MEI4: variants seen among roughly 807,000 people sequenced by gnomAD.
MEI4 encodes the protein meiotic double-stranded break formation protein 4, also known as meiosis-specific protein MEI4.
In MEI4, 27 loss-of-function variants were observed where a neutral mutation model predicts 31.4. That is an observed-to-expected ratio of 0.86 (90% confidence interval 0.63 to 1.19). The LOEUF is 1.19. Ranked by LOEUF, MEI4 falls within the 50% of genes most tolerant of loss-of-function variation. The pLI is 0.00. For synonymous variants in MEI4, 122 were observed against 145.4 expected (o/e 0.84, Z 1.16); for missense variants, 329 against 398.9 (o/e 0.82, Z 1.49).
intron 2 of MEI4, among the ~76,000 whole-genome samples, chr6:77,705,487 A>C (rs2127658007): frequency 6.6e-6 from 1 of 152,378 alleles, no homozygotes; most frequent in African/African-American, 2.4e-5. Flanking sequence ...ATTCTGAGTC[A>C]CACTGAAAGC....
At chr6:77,900,008 T>C (rs530541479) in intron 4 of MEI4, among the ~76,000 whole-genome samples, 1 of 148,412 alleles carries the variant, frequency 6.7e-6, no homozygotes, top group African/African-American at 2.5e-5. Flanking sequence ...ATACAGGCAA[T>C]GAAAACCAAA....
intron 3 of MEI4, among the ~76,000 whole-genome samples, chr6:77,814,057 C>T (rs908205051): frequency 6.6e-6 from 1 of 152,062 alleles, no homozygotes; most frequent in African/African-American, 2.4e-5. Context: ...TCAGTATACA[C>T]CTCCAATCAA....
At chr6:77,850,945 AAACG>A (rs1295435663) in intron 4 of MEI4, among the ~76,000 whole-genome samples, 7 of 152,116 alleles carry the variant, frequency 4.6e-5, no homozygotes, top group Non-Finnish European at 1.0e-4. Context: ...TACAAGAAAA[AAACG>A]AACAACCCCA....
Position 77,762,872 on chromosome 6 carries a change from G to A in MEI4, c.768+1207G>A, listed in dbSNP as rs536892240. Among the ~76,000 whole-genome samples, 19 of 152,188 alleles carry A rather than the reference G, an allele frequency of 1.2e-4. 1 individual carries two copies. The South Asian group carries it at 3.9e-3, about 32-fold the overall frequency. ...ATTAAATATCAGATTTGCCATAGTT[G>A]TATCTGAGATATAAAATCCATTTCT... On this transcript the variant is annotated intron_variant, in intron 3 of 4. Coordinates refer to ENST00000684080, the MANE Select transcript of MEI4 (RefSeq NM_001322247.2).
intron 3 of MEI4, among the ~76,000 whole-genome samples, chr6:77,799,024 G>A (rs1326585376): frequency 6.6e-6 from 1 of 151,962 alleles, no homozygotes; most frequent in Non-Finnish European, 1.5e-5. Flanking sequence ...GGGATTGCTG[G>A]GTCAAATGGT....
At chr6:77,803,029 A>T (rs1158145298) in intron 3 of MEI4, among the ~76,000 whole-genome samples, 2 of 152,144 alleles carry the variant, frequency 1.3e-5, no homozygotes, top group Non-Finnish European at 2.9e-5. Context: ...GCCTTGCTAG[A>T]TTGGGGAAGT....
intron 1 of MEI4, among the ~76,000 whole-genome samples, chr6:77,685,229 C>T (rs1453807463): frequency 5.3e-5 from 8 of 150,894 alleles, no homozygotes; most frequent in Non-Finnish European, 1.0e-4. Flanking sequence ...GTTCTTTGAG[C>T]TCCTTATATA....
intron 4 of MEI4, among the ~76,000 whole-genome samples, chr6:77,873,772 A>C (rs368319049): frequency 6.6e-6 from 1 of 152,084 alleles, no homozygotes; most frequent in African/African-American, 2.4e-5. Flanking sequence ...ATCTTGAATT[A>C]ATTTTTGTAT....
chr6:77,889,405 T>C (rs1771703279), intron 4 of MEI4, among the ~76,000 whole-genome samples: 1 of 152,176 alleles, frequency 6.6e-6, no homozygotes, highest in Non-Finnish European at 1.5e-5. Context: ...TGCTATACTT[T>C]AGCAAAGAGA....
At chr6:77,771,831 T>C (rs1241576681) in intron 3 of MEI4, among the ~76,000 whole-genome samples, 1 of 151,972 alleles carries the variant, frequency 6.6e-6, no homozygotes, top group Admixed American at 6.6e-5. Context: ...AAATACCTAT[T>C]GAGCACTGTG....
intron 3 of MEI4, among the ~76,000 whole-genome samples, chr6:77,785,774 A>T (rs1448751461): frequency 6.6e-6 from 1 of 152,114 alleles, no homozygotes; most frequent in Non-Finnish European, 1.5e-5. Flanking sequence ...TCTTACTTTT[A>T]CAGCTAGATA....
intron 2 of MEI4, among the ~76,000 whole-genome samples, chr6:77,736,664 T>C (rs547268332): frequency 6.6e-6 from 1 of 152,090 alleles, no homozygotes; most frequent in South Asian, 2.1e-4. Context: ...CCTACCCCCT[T>C]AATTCAGTAT....
chr6:77,913,566 G>T (rs1239733607), intron 4 of MEI4, among the ~76,000 whole-genome samples: 1 of 151,858 alleles, frequency 6.6e-6, no homozygotes, highest in Non-Finnish European at 1.5e-5. Flanking sequence ...TATCCATTTT[G>T]TTAATGTATA....
At chr6:77,831,893 A>G (rs1770092410) in intron 4 of MEI4, among the ~76,000 whole-genome samples, 2 of 152,068 alleles carry the variant, frequency 1.3e-5, no homozygotes. Flanking sequence ...CATTTTTTAT[A>G]TTTCAAAATA....
intron 4 of MEI4, among the ~76,000 whole-genome samples, chr6:77,834,559 A>G (rs1770166709): frequency 6.6e-6 from 1 of 151,726 alleles, no homozygotes. Context: ...TCGGCAACGG[A>G]TGAATAAAGT....
At chr6:77,656,216 A>C (rs1768391884) in intron 1 of MEI4, among the ~76,000 whole-genome samples, 1 of 152,170 alleles carries the variant, frequency 6.6e-6, no homozygotes, top group Non-Finnish European at 1.5e-5. Context: ...ATTGTTGGAG[A>C]GAGAGATATG....
chr6:77,919,973 C>A (rs1327810481), intron 4 of MEI4, among the ~76,000 whole-genome samples: 3 of 147,590 alleles, frequency 2.0e-5, no homozygotes, highest in Admixed American at 6.9e-5. Flanking sequence ...TCTGAATAGA[C>A]CAATAACAGG....
intron 3 of MEI4, among the ~76,000 whole-genome samples, chr6:77,824,103 T>A (rs1442356572): frequency 6.6e-6 from 1 of 152,044 alleles, no homozygotes; most frequent in Non-Finnish European, 1.5e-5. Flanking sequence ...GTCACTACAT[T>A]TTTTTTGATG....
intron 2 of MEI4, among the ~76,000 whole-genome samples, chr6:77,724,974 G>C (rs1388025633): frequency 1.4e-5 from 2 of 141,566 alleles, no homozygotes; most frequent in East Asian, 4.1e-4. Context: ...ATCTTCTTCT[G>C]TTTGAAATGG....
Sources: allele counts gnomAD v4.1 joint callset (sites outside exome capture counted in the v4.1 genomes callset), GRCh38; gene constraint gnomAD v4.1.1; transcripts MANE v1.5; gene names NCBI Gene and HGNC (gene_info 2026-07-23, HGNC 2026-07-21).